Variants in KLHL26 observed in about 807,000 individuals in gnomAD.
KLHL26 encodes kelch like family member 26.
KLHL26 carries 4 observed loss-of-function variants against 7.1 expected under a neutral mutation model. The ratio of observed to expected loss-of-function variants is 0.56; its 90% CI spans 0.28 to 1.28. The LOEUF is 1.28. KLHL26 is among the 50% of genes most tolerant of loss of function. The probability of loss-of-function intolerance (pLI) is 0.11; values close to 1 mark genes in which losing one functional copy is unlikely to be tolerated. For missense variants in KLHL26, 896 were observed against 924.6 expected (o/e 0.97, Z 0.40); for synonymous variants, 465 against 414.1 (o/e 1.12, Z -1.49).
intron 1 of KLHL26, among the ~76,000 whole-genome samples, chr19:18,661,959 A>C (rs2052395956): frequency 6.6e-6 from 1 of 152,152 alleles, no homozygotes; most frequent in African/African-American, 2.4e-5. Context: ...GGCTCACTGC[A>C]GCCTCCACCT....
At chr19:18,664,633 G>C (rs532958249) in intron 2 of KLHL26, among the ~76,000 whole-genome samples, 190 bp downstream of exon 2, 1 of 152,014 alleles carries the variant, frequency 6.6e-6, no homozygotes, top group Admixed American at 6.5e-5. Flanking sequence ...CCAGGCTGGA[G>C]TGCAGTGGCA....
chr19:18,649,720 C>T lies in KLHL26; in HGVS notation c.83+12583C>T, dbSNP rs551849561. ...CTCTGCAGCTGTGCGGACCAGCTCT[C>T]TTAACACTTGTTAACCCCAGCCTCC... On this transcript the variant is annotated intron_variant, in intron 1 of 2. Coordinates refer to ENST00000300976, the MANE Select transcript of KLHL26 (RefSeq NM_018316.3). This position sits in a 1 kb window ranked among gnomAD's most constrained non-coding sequence, Gnocchi z 4.0. Among the ~76,000 whole-genome samples, 5 of 152,326 alleles carry T rather than the reference C, an allele frequency of 3.3e-5. No homozygotes were observed. The highest frequency in any genetic ancestry group is 1.2e-4 in the African/African-American group (5 of 41,578).
rs989530117 is a variant in KLHL26 at position 18,669,331 on chromosome 19, T to A, written c.*86T>A. 121 of 1,100,412 alleles carry A rather than the reference T, an allele frequency of 1.1e-4. No homozygotes were observed. In the African/African-American group the frequency reaches 1.6e-3, roughly 15 times the overall value. The allele number at this position is 1,100,412 out of a possible 1,614,324, so 68.2% of individuals were successfully genotyped here. ...ATGCACGTCTGCCTGAGAACCCCAG[T>A]GCCCCCCTTCGCCCGGGCTGCCCTT... On this transcript the variant is annotated 3_prime_UTR_variant, in exon 3 of 3. Coordinates refer to ENST00000300976, the MANE Select transcript of KLHL26 (RefSeq NM_018316.3).
At position 18,656,702 on chromosome 19, in the gene KLHL26, C is replaced by T. The variant is rs1414795805; in HGVS notation, c.84-7559C>T. On this transcript the variant is annotated intron_variant, in intron 1 of 2. Transcript: ENST00000300976. This position sits in a 1 kb window ranked among gnomAD's most constrained non-coding sequence, Gnocchi z 4.4. ...GCGAGCCCTGTCTGCCTCAGTAGCG[C>T]GGGGCTCTTGGAGGAGGCTTGAGGG... 8.4e-5 allele frequency among the ~76,000 whole-genome samples: 4 copies of T among 47,672 alleles called. No homozygotes were observed. Among genetic ancestry groups the T allele is most frequent in the Admixed American group, 3.2e-4 (1 of 3,140 alleles). The allele number at this position is 47,672 out of a possible 152,430, so 31.3% of individuals were successfully genotyped here.
Position 18,667,280 on chromosome 19 carries a change from C to G in KLHL26, c.267-384C>G, listed in dbSNP as rs541153921. ...GAACTCCTGACATCAGGTGATCCACCCACCTCGGCCTCCCAAAGTGCTAGG... is the reference window on the plus strand; with the variant it reads ...GAACTCCTGACATCAGGTGATCCACGCACCTCGGCCTCCCAAAGTGCTAGG... On this transcript the variant is annotated intron_variant, in intron 2 of 2. Coordinates refer to ENST00000300976, the MANE Select transcript of KLHL26 (RefSeq NM_018316.3). The G allele has an allele frequency of 2.4e-5, 7 of 293,984 alleles. No homozygotes were observed. The East Asian group carries it at 6.4e-4, about 27-fold the overall frequency. 18.2% of individuals were successfully genotyped at this position (293,984 alleles called of 1,614,324 possible).
rs1478213714 is a variant in KLHL26 at position 18,659,082 on chromosome 19, C to CTCTCTCTGGGTATCTGTCCACT, written c.84-5167_84-5146dup. ...TCCCTTTATCTCTGAATCTGTTTTT[C>CTCTCTCTGGGTATCTGTCCACT]TCTCTCTGGGTATCTGTCCACTTCT... On this transcript the variant is annotated intron_variant, in intron 1 of 2. Coordinates refer to ENST00000300976, the MANE Select transcript of KLHL26 (RefSeq NM_018316.3). 2.0e-3 allele frequency among the ~76,000 whole-genome samples: 302 copies of CTCTCTCTGGGTATCTGTCCACT among 152,160 alleles called. 1 individual carries two copies. Among genetic ancestry groups the CTCTCTCTGGGTATCTGTCCACT allele is most frequent in the Non-Finnish European group, 1.4e-3 (94 of 68,006 alleles).
At chr19:18,664,545 C>T (rs2052426974) in intron 2 of KLHL26, 102 bp downstream of exon 2, 2 of 912,592 alleles carry the variant, frequency 2.2e-6, no homozygotes, top group South Asian at 3.8e-5. Context: ...TCAGCGCTAC[C>T]CAGGGACAGC....
At chr19:18,641,144 G>C (rs1976704829) in intron 1 of KLHL26, among the ~76,000 whole-genome samples, 1 of 151,714 alleles carries the variant, frequency 6.6e-6, no homozygotes, top group African/African-American at 2.4e-5. Context: ...TCAGCCTCTG[G>C]AATAAGTGGG....
rs1478281133 is a variant in KLHL26 at position 18,668,577 on chromosome 19, C to G, written c.1180C>G (p.Leu394Val). Reference sequence around the variant, plus strand: ...CTACGACCCCCACCTGAATCGCTGGCTGCGCCTGCAGGCCATGCAGGAAAG... The same window carrying G: ...CTACGACCCCCACCTGAATCGCTGGGTGCGCCTGCAGGCCATGCAGGAAAG... ...YRYDPHLNRW[L>V]RLQAMQESRI... Residue 394 changes from leucine to valine, a missense_variant, in exon 3 of 3, where the codon CTG (leucine) becomes GTG (valine). Physicochemically the swap from Leu to Val is conservative, Grantham distance 32. Transcript: ENST00000300976. The G allele has an allele frequency of 6.3e-7, 1 of 1,591,764 alleles. No homozygotes were observed.
chr19:18,654,475 G>A (rs1039159379), intron 1 of KLHL26, among the ~76,000 whole-genome samples: 11 of 137,116 alleles, frequency 8.0e-5, no homozygotes, highest in African/African-American at 1.9e-4. Flanking sequence ...TCTACCATCC[G>A]CCCACCCATC....
At chr19:18,654,801 C>A (rs1324870493) in intron 1 of KLHL26, among the ~76,000 whole-genome samples, 6 of 152,170 alleles carry the variant, frequency 3.9e-5, no homozygotes, top group Non-Finnish European at 5.9e-5. Context: ...ATCTACCCAC[C>A]CATTCATCTG....
Position 18,637,043 on chromosome 19 carries a change from G to C in KLHL26, c.-12G>C. ...GGCTCCCGTCACTCGAACGCGCGAC[G>C]GCGGGGGGAAGATGGCGGAGTCCGG... On this transcript the variant is annotated 5_prime_UTR_variant, in exon 1 of 3. Transcript: ENST00000300976. 2 of 1,333,462 alleles carry C rather than the reference G, an allele frequency of 1.5e-6. No homozygotes were observed. The highest frequency in any genetic ancestry group is 1.9e-6 in the Non-Finnish European group (2 of 1,034,572). 82.6% of individuals were successfully genotyped at this position (1,333,462 alleles called of 1,614,324 possible).
rs753026726 is a variant in KLHL26, at chr19:18,664,246, C to T, written c.84-15C>T. 6 of 1,584,652 alleles carry T rather than the reference C, an allele frequency of 3.8e-6. No homozygotes were observed. Among genetic ancestry groups the T allele is most frequent in the Non-Finnish European group, 5.1e-6 (6 of 1,166,224 alleles). On this transcript the variant is annotated splice_polypyrimidine_tract_variant and intron_variant, in intron 1 of 2. Coordinates refer to ENST00000300976, the MANE Select transcript of KLHL26 (RefSeq NM_018316.3). ...GAACCTCTGGGCCATGTCCCCACCTCTGCTTTCCCCGCAGCACGGCCGACA... is the reference window on the plus strand; with the variant it reads ...GAACCTCTGGGCCATGTCCCCACCTTTGCTTTCCCCGCAGCACGGCCGACA...
At chr19:18,647,133 G>C (rs1376428641) in intron 1 of KLHL26, among the ~76,000 whole-genome samples, 3 of 152,192 alleles carry the variant, frequency 2.0e-5, no homozygotes, top group Non-Finnish European at 4.4e-5. Context: ...CCTCCTTGTC[G>C]GCAGGTCCCA....
At chr19:18,664,235 T>C (rs1424033071) in intron 1 of KLHL26, 26 bp from the exon 2 acceptor site, 4 of 1,571,200 alleles carry the variant, frequency 2.5e-6, no homozygotes, top group Non-Finnish European at 3.4e-6. Flanking sequence ...CTCTGGGCCA[T>C]GTCCCCACCT....
At chr19:18,642,132 A>G (rs1468353599) in intron 1 of KLHL26, among the ~76,000 whole-genome samples, 5 of 152,194 alleles carry the variant, frequency 3.3e-5, no homozygotes, top group Non-Finnish European at 5.9e-5. Flanking sequence ...ATTTTGAGAC[A>G]TTGAGTCTTT....
rs559725093 is a variant in KLHL26 at position 18,669,069 on chromosome 19, G to C, written c.1672G>C (p.Glu558Gln). 1 of 1,612,876 alleles carries C rather than the reference G, an allele frequency of 6.2e-7. No individual in the cohort carries two copies. The highest frequency in any genetic ancestry group is 1.1e-5 in the South Asian group (1 of 91,084). ...GQSEAGCCLL[E>Q]RKIYIVGGYN... is the part of the protein sequence containing the mutation. ...GTCAGAGGCCGGCTGCTGCCTGCTG[G>C]AGAGGAAGATCTACATCGTCGGGGG... The change falls in exon 3 of 3, where the codon GAG (glutamate) becomes CAG (glutamine). Residue 558 changes from glutamate to glutamine, a missense_variant. By Grantham distance (29) the Glu-to-Gln change is conservative. Transcript: ENST00000300976.
At chr19:18,665,737 G>A (rs2052441459) in intron 2 of KLHL26, among the ~76,000 whole-genome samples, 1 of 152,214 alleles carries the variant, frequency 6.6e-6, no homozygotes, top group Admixed American at 6.5e-5. Context: ...CCAGCTGGGG[G>A]CTGTTGCAGG....
chr19:18,652,207 T>C (rs769733322), intron 1 of KLHL26, among the ~76,000 whole-genome samples: 1 of 152,022 alleles, frequency 6.6e-6, no homozygotes, highest in Non-Finnish European at 1.5e-5. Flanking sequence ...CACTGAGGGC[T>C]TCGCGGTGGA....
Sources: allele counts gnomAD v4.1 joint callset (sites outside exome capture counted in the v4.1 genomes callset), GRCh38; gene constraint gnomAD v4.1.1; non-coding constraint Gnocchi (gnomAD v3.1); transcripts MANE v1.5; gene names NCBI Gene and HGNC (gene_info 2026-07-23, HGNC 2026-07-21).